Variants in CRTC3 observed in about 807,000 individuals in gnomAD.
CRTC3 encodes the protein CREB regulated transcription coactivator 3, also known as CREB-regulated transcription coactivator 3.
CRTC3 carries 26 observed loss-of-function variants against 74.5 expected under a neutral mutation model. The observed-to-expected ratio is 0.35, with a 90% CI of 0.26 to 0.48. The LOEUF (loss-of-function observed/expected upper bound fraction) is 0.48. Among genes scored for constraint, CRTC3 ranks in the 20% least tolerant of loss-of-function variants. The pLI is 0.99. For missense variants in CRTC3, 760 were observed against 787.3 expected (o/e 0.97, Z 0.41); for synonymous variants, 377 against 325.8 (o/e 1.16, Z -1.69).
At chr15:90,601,303 A>G (rs1044662830) in intron 3 of CRTC3, among the ~76,000 whole-genome samples, 2 of 151,980 alleles carry the variant, frequency 1.3e-5, no homozygotes, top group Admixed American at 1.3e-4. Flanking sequence ...CCCCAACAAC[A>G]CTGGAAAGTT....
intron 5 of CRTC3, among the ~76,000 whole-genome samples, chr15:90,607,068 G>A (rs1446821933): frequency 1.3e-5 from 2 of 152,072 alleles, no homozygotes; most frequent in African/African-American, 4.8e-5. Flanking sequence ...CTTCCGAGCT[G>A]GGAAGAATAG....
At chr15:90,554,999 C>T (rs985189228) in intron 2 of CRTC3, among the ~76,000 whole-genome samples, 1 of 152,118 alleles carries the variant, frequency 6.6e-6, no homozygotes, top group Non-Finnish European at 1.5e-5. Flanking sequence ...ACAGCCCTGC[C>T]CTTCTACAAT....
intron 9 of CRTC3, chr15:90,620,161 GGGGAAAA>G (rs1320167545): frequency 8.4e-6 from 2 of 237,542 alleles, no homozygotes; most frequent in Non-Finnish European, 1.6e-5. Context: ...ATCCTGGCCA[GGGGAAAA>G]GGGAAGCATC....
chr15:90,643,812 G>A lies in CRTC3; in HGVS notation c.*1672G>A, dbSNP rs1049907915. The A allele has an allele frequency of 2.6e-5, 6 of 232,370 alleles. No homozygotes were observed. Among genetic ancestry groups the A allele is most frequent in the Non-Finnish European group, 5.1e-5 (6 of 117,682 alleles). 14.4% of individuals were successfully genotyped at this position (232,370 alleles called of 1,614,324 possible). On this transcript the variant is annotated 3_prime_UTR_variant, in exon 15 of 15. Coordinates refer to ENST00000268184, the MANE Select transcript of CRTC3 (RefSeq NM_022769.5). ...ACGGAAGATGCCAGGACCTTTGCTT[G>A]GACAGCCATTGCCCTTCCAGGAGAC...
intron 2 of CRTC3, among the ~76,000 whole-genome samples, chr15:90,565,434 T>C (rs958224259): frequency 6.6e-6 from 1 of 152,150 alleles, no homozygotes; most frequent in Non-Finnish European, 1.5e-5. Context: ...CCCATTAAAT[T>C]AGGACAAATT....
At chr15:90,613,464 T>A (rs1968415065) in intron 6 of CRTC3, among the ~76,000 whole-genome samples, 1 of 152,208 alleles carries the variant, frequency 6.6e-6, no homozygotes, top group Non-Finnish European at 1.5e-5. Flanking sequence ...ATGTTATATC[T>A]TCTACCTGTG....
chr15:90,622,983 G>T (rs893676394), intron 9 of CRTC3, among the ~76,000 whole-genome samples: 1 of 151,930 alleles, frequency 6.6e-6, no homozygotes, highest in African/African-American at 2.4e-5. Flanking sequence ...TCCACAGTTC[G>T]CCCAGTCCTA....
rs914439453 is a variant in CRTC3 at position 90,593,544 on chromosome 15, G to A, written c.232-92G>A. ...GTATAATAAGTAAAACTGTAAAATCGGTCCTTTCATCTCCTGTTGTTATCA... is the reference window on the plus strand; with the variant it reads ...GTATAATAAGTAAAACTGTAAAATCAGTCCTTTCATCTCCTGTTGTTATCA... On this transcript the variant is annotated intron_variant, in intron 2 of 14. Coordinates refer to ENST00000268184, the MANE Select transcript of CRTC3 (RefSeq NM_022769.5). The A allele has an allele frequency of 2.3e-5, 34 of 1,453,560 alleles. No individual in the cohort carries two copies. In the South Asian group the frequency reaches 2.5e-4, roughly 10 times the overall value. The allele number at this position is 1,453,560 out of a possible 1,614,324, so 90.0% of individuals were successfully genotyped here.
At position 90,641,116 on chromosome 15, in the gene CRTC3, G is replaced by A; in HGVS notation, c.1568G>A (p.Gly523Asp). Residue 523 changes from glycine to aspartate, a missense_variant, in exon 14 of 15, where the codon GGT becomes GAT. Transcript: ENST00000268184. ...TTCCAGGTGCCTCTGGTGCAACAAG[G>A]TTCCCGAGAACTGCAGGACTCTTTT... Reference protein sequence around the residue: ...FPQQVPLVQQGSRELQDSFHL... With the variant: ...FPQQVPLVQQDSRELQDSFHL... The A allele has an allele frequency of 1.9e-6, 3 of 1,613,830 alleles. No homozygotes were observed. The highest frequency in any genetic ancestry group is 1.6e-4 in the Middle Eastern group (1 of 6,062).
chr15:90,550,681 C>T lies in CRTC3; in HGVS notation c.231+10544C>T, dbSNP rs139873851. 3.7e-3 allele frequency among the ~76,000 whole-genome samples: 565 copies of T among 151,822 alleles called. 2 individuals are homozygous for T. The highest frequency in any genetic ancestry group is 5.8e-3 in the Non-Finnish European group (394 of 67,968). On this transcript the variant is annotated intron_variant, in intron 2 of 14. Transcript: ENST00000268184. ...GTGTGCATATTTGCATGTCAGATCT[C>T]GAAACCTGCTTTTTTTTTTGTTATT...
intron 2 of CRTC3, among the ~76,000 whole-genome samples, chr15:90,546,628 T>C (rs935951814): frequency 5.3e-5 from 8 of 151,786 alleles, no homozygotes; most frequent in African/African-American, 1.9e-4. Context: ...TAGGATTTTA[T>C]TTTTATTTTT....
At chr15:90,619,438 CAA>C (rs1363171279) in intron 8 of CRTC3, among the ~76,000 whole-genome samples, 1 of 152,166 alleles carries the variant, frequency 6.6e-6, no homozygotes, top group East Asian at 1.9e-4. Context: ...GCCTGGATGA[CAA>C]GAGTGAAACT....
chr15:90,627,120 G>C (rs962887172), intron 10 of CRTC3, among the ~76,000 whole-genome samples: 1 of 152,240 alleles, frequency 6.6e-6, no homozygotes, highest in African/African-American at 2.4e-5. Context: ...ACCCAAATGA[G>C]AGTGGTCCCC....
chr15:90,563,237 C>G (rs1967050636), intron 2 of CRTC3, among the ~76,000 whole-genome samples: 1 of 151,952 alleles, frequency 6.6e-6, no homozygotes, highest in Non-Finnish European at 1.5e-5. Context: ...GAAACCCTGT[C>G]TCTACTAAAA....
At chr15:90,622,533 C>G (rs1187763617) in intron 9 of CRTC3, among the ~76,000 whole-genome samples, 2 of 152,136 alleles carry the variant, frequency 1.3e-5, no homozygotes, top group African/African-American at 4.8e-5. Context: ...ACCCTATAAA[C>G]AGTTCCATAC....
chr15:90,635,921 G>T (rs1361095346), intron 11 of CRTC3, among the ~76,000 whole-genome samples: 1 of 152,042 alleles, frequency 6.6e-6, no homozygotes, highest in African/African-American at 2.4e-5. Context: ...ACAAACAAAT[G>T]GAAGAACATT....
chr15:90,624,749 A>G (rs1213340505), intron 9 of CRTC3, among the ~76,000 whole-genome samples: 1 of 152,174 alleles, frequency 6.6e-6, no homozygotes, highest in East Asian at 1.9e-4. Flanking sequence ...TTCCAAAACA[A>G]GGTCCTCTCA....
At chr15:90,577,522 T>A (rs1967434885) in intron 2 of CRTC3, among the ~76,000 whole-genome samples, 1 of 152,320 alleles carries the variant, frequency 6.6e-6, no homozygotes, top group South Asian at 2.1e-4. Context: ...GTTTAAAAAG[T>A]AAGGTACAGA....
In CRTC3 at chr15:90,643,127, T is replaced by G. The variant is rs1473407027; in HGVS notation, c.*987T>G. 6 of 232,114 alleles carry G rather than the reference T, an allele frequency of 2.6e-5. No homozygotes were observed. Among genetic ancestry groups the G allele is most frequent in the African/African-American group, 6.6e-5 (3 of 45,250 alleles). The allele number at this position is 232,114 out of a possible 1,614,324, so 14.4% of individuals were successfully genotyped here. A position where few individuals can be genotyped will look rare whatever the true frequency, so the allele number is the denominator to read the frequency against. ...GCTCCTTGAGGGCAGGGACAGTGCC[T>G]TATCATTGTTGAACCCGTAGCACCT... On this transcript the variant is annotated 3_prime_UTR_variant, in exon 15 of 15. Coordinates refer to ENST00000268184, the MANE Select transcript of CRTC3 (RefSeq NM_022769.5).
Sources: allele counts gnomAD v4.1 joint callset (sites outside exome capture counted in the v4.1 genomes callset), GRCh38; gene constraint gnomAD v4.1.1; transcripts MANE v1.5; gene names NCBI Gene and HGNC (gene_info 2026-07-23, HGNC 2026-07-21).